The following LUZP1 variants were observed in gnomAD, a reference collection of about 807,000 sequenced individuals.
The protein encoded by LUZP1 is filamin mechanobinding actin cross-linking protein.
A neutral mutation model predicts 71.3 loss-of-function variants in LUZP1; 25 were observed. The observed-to-expected ratio is 0.35, with a 90% CI of 0.26 to 0.49. The LOEUF (loss-of-function observed/expected upper bound fraction) is 0.49. LUZP1 is among the 20% of genes least tolerant of loss of function. LUZP1 has a pLI of 0.99. For synonymous variants in LUZP1, 481 were observed against 506.4 expected, an observed-to-expected ratio of 0.95 and a Z score of 0.67; for missense variants, 1,142 against 1,300.8, an observed-to-expected ratio of 0.88 and a Z score of 1.88.
intron 2 of LUZP1, among the ~76,000 whole-genome samples, chr1:23,132,143 T>C (rs373043337): frequency 1.3e-5 from 2 of 152,136 alleles, no homozygotes; most frequent in African/African-American, 4.8e-5. Context: ...AGAAATATGG[T>C]ATTTCCTTTT....
chr1:23,162,776 A>G (rs978570180), intron 2 of LUZP1: 3 of 152,362 alleles, frequency 2.0e-5, no homozygotes, highest in Non-Finnish European at 4.4e-5. Flanking sequence ...CTGCACAAGG[A>G]TGACATGCTA....
intron 2 of LUZP1, among the ~76,000 whole-genome samples, chr1:23,145,719 C>T (rs1644337924): frequency 6.6e-6 from 1 of 152,118 alleles, no homozygotes; most frequent in East Asian, 1.9e-4. Context: ...GATCCACCCG[C>T]CTCAGCCTCC....
exon 4 of LUZP1, chr1:23,092,205 G>C (rs770991476): frequency 6.2e-7 from 1 of 1,614,160 alleles, no homozygotes; most frequent in South Asian, 1.1e-5. Context: ...GTTAGGCTGT[G>C]GTTTGGGCTC....
intron 2 of LUZP1, among the ~76,000 whole-genome samples, chr1:23,120,734 C>T (rs892542435): frequency 3.9e-5 from 6 of 152,028 alleles, no homozygotes; most frequent in African/African-American, 1.5e-4. Flanking sequence ...TAATAATGAC[C>T]CCATAAGGAT....
chr1:23,132,636 CTTA>C (rs1236754695), intron 2 of LUZP1, among the ~76,000 whole-genome samples: 1 of 151,836 alleles, frequency 6.6e-6, no homozygotes, highest in Non-Finnish European at 1.5e-5. Context: ...GCAGATTATC[CTTA>C]TTATTTAGGG....
chr1:23,166,462 C>G (rs570855254), intron 2 of LUZP1, among the ~76,000 whole-genome samples: 19 of 152,004 alleles, frequency 1.2e-4, no homozygotes, highest in African/African-American at 3.9e-4. Context: ...CGAAACCAAC[C>G]CGGCCAACAT....
At chr1:23,158,972 G>C (rs1339156980) in intron 2 of LUZP1, among the ~76,000 whole-genome samples, 4 of 150,946 alleles carry the variant, frequency 2.6e-5, no homozygotes, top group Non-Finnish European at 4.4e-5. Context: ...TTGGGGGTAA[G>C]AGAAGAAGTA....
At chr1:23,113,112 T>A (rs562442722) in intron 2 of LUZP1, among the ~76,000 whole-genome samples, 1 of 152,138 alleles carries the variant, frequency 6.6e-6, no homozygotes, top group Non-Finnish European at 1.5e-5. Context: ...AGAAAAAGCA[T>A]CTGGACACGG....
At chr1:23,169,290 C>T (rs149561601) in intron 1 of LUZP1, among the ~76,000 whole-genome samples, 26 of 152,276 alleles carry the variant, frequency 1.7e-4, no homozygotes, top group African/African-American at 6.0e-4. Context: ...CTGCAGTGAG[C>T]CGTGATCGTG....
At position 23,171,074 on chromosome 1, in the gene LUZP1, T is replaced by A. The variant is rs534321787; in HGVS notation, c.-484-2050A>T. On this transcript the variant is annotated intron_variant, in intron 1 of 4. Transcript: ENST00000302291. ...CACCGCACTACAGCCTGGTGACAGA[T>A]CGAGACCCTGTCTCAAAAAAAAAAA... Among the ~76,000 whole-genome samples, 281 of 147,560 alleles carry A rather than the reference T, an allele frequency of 1.9e-3. 1 individual carries two copies. Among genetic ancestry groups the A allele is most frequent in the African/African-American group, 6.5e-3 (253 of 39,184 alleles).
At chr1:23,092,153 G>C (rs919299739) in exon 4 of LUZP1, 2 of 1,614,004 alleles carry the variant, frequency 1.2e-6, no homozygotes, top group Non-Finnish European at 8.5e-7. Context: ...TCTCAAATAG[G>C]GAGGTTCTAG....
chr1:23,097,286 A>G (rs1307142057), intron 3 of LUZP1, among the ~76,000 whole-genome samples: 2 of 152,222 alleles, frequency 1.3e-5, no homozygotes, highest in African/African-American at 4.8e-5. Flanking sequence ...ACAATCTATA[A>G]TAACAACTGA....
chr1:23,108,588 G>A (rs983097717), intron 3 of LUZP1, among the ~76,000 whole-genome samples: 9 of 152,214 alleles, frequency 5.9e-5, no homozygotes, highest in East Asian at 1.9e-4. Flanking sequence ...CAATGGGAGC[G>A]AAACCCAGTC....
At chr1:23,128,836 T>A (rs1027812721) in intron 2 of LUZP1, among the ~76,000 whole-genome samples, 2 of 152,238 alleles carry the variant, frequency 1.3e-5, no homozygotes, top group Non-Finnish European at 2.9e-5. Context: ...AAGGCACTTA[T>A]CTATTCAGAA....
exon 5 of LUZP1, chr1:23,088,879 C>T (rs758833907): frequency 6.2e-7 from 1 of 1,612,034 alleles, no homozygotes; most frequent in Non-Finnish European, 8.5e-7. Flanking sequence ...GGGCAGACAA[C>T]AGACACCCAG....
intron 2 of LUZP1, among the ~76,000 whole-genome samples, chr1:23,124,348 C>T (rs1469228518): frequency 1.3e-5 from 2 of 152,130 alleles, no homozygotes; most frequent in East Asian, 3.8e-4. Context: ...TGGCCAGACT[C>T]CCAACTCTGG....
rs746508122 is a variant in LUZP1, at chr1:23,093,931, C to G, written c.331G>C (p.Glu111Gln). The change falls in exon 4 of 5, where the codon GAG becomes CAG. Residue 111 changes from glutamate to glutamine, a missense_variant. Transcript: ENST00000302291. The surrounding 1 kb of genome is among the most constrained non-coding windows in gnomAD (Gnocchi z 4.2). ...TCAGCCATTCGTTTCTGAAGCCGCT[C>G]AATCTCAGATTTCAGCTCCCGGGTG... The G allele has an allele frequency of 1.9e-6, 3 of 1,614,226 alleles. No individual in the cohort carries two copies. Among genetic ancestry groups the G allele is most frequent in the African/African-American group, 2.7e-5 (2 of 75,066 alleles).
chr1:23,138,711 ATAT>A (rs1644276482), intron 2 of LUZP1, among the ~76,000 whole-genome samples: 1 of 142,528 alleles, frequency 7.0e-6, no homozygotes, highest in Admixed American at 7.1e-5. Flanking sequence ...ATATATATAT[ATAT>A]AAATGAGGCC....
At chr1:23,097,376 A>AAT (rs1643898314) in intron 3 of LUZP1, among the ~76,000 whole-genome samples, 1 of 152,186 alleles carries the variant, frequency 6.6e-6, no homozygotes, top group Admixed American at 6.5e-5. Flanking sequence ...AGGAAGACCA[A>AAT]ATAGGAGGCT....
Sources: allele counts gnomAD v4.1 joint callset (sites outside exome capture counted in the v4.1 genomes callset), GRCh38; gene constraint gnomAD v4.1.1; non-coding constraint Gnocchi (gnomAD v3.1); transcripts MANE v1.5; gene names NCBI Gene and HGNC (gene_info 2026-07-23, HGNC 2026-07-21).